The following SLC20A2 variants were observed in gnomAD, a reference collection of about 807,000 sequenced individuals.
SLC20A2 encodes the protein sodium-dependent phosphate transporter 2.
A neutral mutation model predicts 61.0 loss-of-function variants in SLC20A2; 30 were observed. The ratio of observed to expected loss-of-function variants is 0.49; its 90% CI spans 0.37 to 0.67. The LOEUF (loss-of-function observed/expected upper bound fraction) is 0.67. Among genes scored for constraint, SLC20A2 ranks in the 30% least tolerant of loss-of-function variants. SLC20A2 has a pLI of 0.00. For missense variants in SLC20A2, 626 were observed against 866.4 expected (o/e 0.72, Z 3.48); for synonymous variants, 351 against 353.3 (o/e 0.99, Z 0.07).
At chr8:42,530,030 A>G (rs1397056027) in intron 1 of SLC20A2, among the ~76,000 whole-genome samples, 2 of 152,186 alleles carry the variant, frequency 1.3e-5, no homozygotes, top group African/African-American at 2.4e-5. Flanking sequence ...TACAATCCTC[A>G]TAACGCACAA....
chr8:42,425,656 A>G (rs983034331), intron 10 of SLC20A2, among the ~76,000 whole-genome samples: 24 of 152,164 alleles, frequency 1.6e-4, no homozygotes, highest in African/African-American at 5.8e-4. Context: ...TGTCTTGTCA[A>G]TTTTATAGAT....
Position 42,472,435 on chromosome 8 carries a change from T to A in SLC20A2, c.-45A>T. 6.4e-7 allele frequency: 1 copy of A among 1,568,422 alleles called. No homozygotes were observed. The highest frequency in any genetic ancestry group is 8.7e-7 in the Non-Finnish European group (1 of 1,149,074). On this transcript the variant is annotated 5_prime_UTR_variant, in exon 2 of 11. Transcript: ENST00000520262. This position sits in a 1 kb window ranked among gnomAD's most constrained non-coding sequence, Gnocchi z 4.1. ...GTACTTTTCTTTTGCAGGAATATTTTAAATAAACAAAGCTTGAGGTTATAA... is the reference window on the plus strand; with the variant it reads ...GTACTTTTCTTTTGCAGGAATATTTAAAATAAACAAAGCTTGAGGTTATAA...
At chr8:42,512,300 A>T (rs1307857252) in intron 1 of SLC20A2, among the ~76,000 whole-genome samples, 1 of 151,762 alleles carries the variant, frequency 6.6e-6, no homozygotes, top group African/African-American at 2.4e-5. Context: ...CATAAAGAAC[A>T]GCTCTGGATA....
At chr8:42,421,801 G>A (rs1012417381) in intron 10 of SLC20A2, among the ~76,000 whole-genome samples, 25 of 151,350 alleles carry the variant, frequency 1.7e-4, no homozygotes, top group African/African-American at 4.6e-4. Flanking sequence ...GTGAAACTCC[G>A]TCTCAAAAAA....
At chr8:42,514,493 C>T (rs1811207505) in intron 1 of SLC20A2, among the ~76,000 whole-genome samples, 1 of 152,202 alleles carries the variant, frequency 6.6e-6, no homozygotes, top group Non-Finnish European at 1.5e-5. Flanking sequence ...CGCGGTGGCT[C>T]ATGCCTGTAA....
At chr8:42,536,042 C>A (rs1812674474) in intron 1 of SLC20A2, among the ~76,000 whole-genome samples, 1 of 152,158 alleles carries the variant, frequency 6.6e-6, no homozygotes, top group Admixed American at 6.6e-5. Context: ...GTTTCCCATT[C>A]AGGGAAGAGT....
intron 1 of SLC20A2, among the ~76,000 whole-genome samples, chr8:42,532,128 GTC>G (rs1812373549): frequency 3.3e-5 from 5 of 152,040 alleles, no homozygotes; most frequent in Admixed American, 2.6e-4. Context: ...TGCCTGGCCA[GTC>G]TCTGTCTGCT....
At position 42,437,178 on chromosome 8, in the gene SLC20A2, A is replaced by T; in HGVS notation, c.1334T>A (p.Ile445Asn). ...CTCCACGCCGCCCTCCTCCGCCTCGATCTCCGCCTCTGCCACCGCGTTACA... is the reference window on the plus strand; with the variant it reads ...CTCCACGCCGCCCTCCTCCGCCTCGTTCTCCGCCTCTGCCACCGCGTTACA... ...SYCNAVAEAE[I>N]EAEEGGVEMK... Residue 445 changes from isoleucine (I) to asparagine (N), a missense_variant, in exon 8 of 11, where the codon ATC becomes AAC. By Grantham distance (149) the Ile-to-Asn change is moderately radical (BLOSUM62 -3). Transcript: ENST00000520262. This position sits in a 1 kb window ranked among gnomAD's most constrained non-coding sequence, Gnocchi z 6.4. 3 of 1,613,470 alleles carry T rather than the reference A, an allele frequency of 1.9e-6. No homozygotes were observed. The highest frequency in any genetic ancestry group is 2.5e-6 in the Non-Finnish European group (3 of 1,179,980).
At chr8:42,425,722 C>T (rs1160013695) in intron 10 of SLC20A2, among the ~76,000 whole-genome samples, 1 of 152,136 alleles carries the variant, frequency 6.6e-6, no homozygotes, top group East Asian at 1.9e-4. Context: ...AAGAAGCTAT[C>T]CTAATACTAC....
At chr8:42,487,894 C>T (rs944386381) in intron 1 of SLC20A2, among the ~76,000 whole-genome samples, 1 of 152,192 alleles carries the variant, frequency 6.6e-6, no homozygotes, top group East Asian at 1.9e-4. Flanking sequence ...TAGACAATAA[C>T]TTGCCATTCT....
At chr8:42,526,913 G>A (rs971979189) in intron 1 of SLC20A2, among the ~76,000 whole-genome samples, 6 of 151,870 alleles carry the variant, frequency 4.0e-5, no homozygotes, top group Non-Finnish European at 8.8e-5. Context: ...AGAACTGCCT[G>A]AGCAACATAG....
intron 1 of SLC20A2, among the ~76,000 whole-genome samples, chr8:42,488,935 G>GTTTTTTTTTTTTTTTTTT (rs34643152): frequency 1.2e-5 from 1 of 83,524 alleles, no homozygotes; most frequent in African/African-American, 4.7e-5. Context: ...TAGGAGTTTT[G>GTTTTTTTTTTTTTTTTTT]TTTTTTTTTT....
intron 1 of SLC20A2, among the ~76,000 whole-genome samples, chr8:42,539,149 C>T (rs1018013305): frequency 1.3e-5 from 2 of 152,206 alleles, no homozygotes; most frequent in African/African-American, 4.8e-5. Context: ...CTTGTAAATA[C>T]TGACTAGCAA....
intron 1 of SLC20A2, among the ~76,000 whole-genome samples, chr8:42,485,557 G>A (rs1231784706): frequency 6.8e-6 from 1 of 147,246 alleles, no homozygotes; most frequent in African/African-American, 2.5e-5. Flanking sequence ...CAGGAGAATC[G>A]CTTGAACCCA....
intron 1 of SLC20A2, among the ~76,000 whole-genome samples, chr8:42,514,735 G>A (rs1811226277): frequency 1.3e-5 from 2 of 150,644 alleles, no homozygotes; most frequent in Non-Finnish European, 2.9e-5. Context: ...TCCAGCCTGG[G>A]CAATGGAGTA....
At chr8:42,488,976 G>T (rs140276716) in intron 1 of SLC20A2, among the ~76,000 whole-genome samples, 8 of 106,548 alleles carry the variant, frequency 7.5e-5, no homozygotes, top group African/African-American at 2.9e-4. Flanking sequence ...GTCTTGCTCT[G>T]TCTCCCAGGC....
At chr8:42,540,364 A>AT (rs1005540747) in intron 1 of SLC20A2, among the ~76,000 whole-genome samples, 1 of 152,154 alleles carries the variant, frequency 6.6e-6, no homozygotes, top group Non-Finnish European at 1.5e-5. Flanking sequence ...ACGTATTCAA[A>AT]TTTTTTTAGA....
At position 42,428,857 on chromosome 8, in the gene SLC20A2, T is replaced by A. The variant is rs1803627707; in HGVS notation, c.1710-15A>T. 1 of 1,571,176 alleles carries A rather than the reference T, an allele frequency of 6.4e-7. No homozygotes were observed. The highest frequency in any genetic ancestry group is 8.6e-7 in the Non-Finnish European group (1 of 1,159,312). ...TCGTGAAGCCGCTGTGGGGGGAGCA[T>A]GAGACACGTCACAGGTGCCCTCTGT... On this transcript the variant is annotated splice_polypyrimidine_tract_variant and intron_variant, in intron 9 of 10. Transcript: ENST00000520262.
At chr8:42,526,177 T>G (rs890165513) in intron 1 of SLC20A2, among the ~76,000 whole-genome samples, 1 of 151,726 alleles carries the variant, frequency 6.6e-6, no homozygotes, top group Non-Finnish European at 1.5e-5. Flanking sequence ...CACTGATGAG[T>G]CATGTTGACT....
Sources: gnomAD v4.1 joint callset for allele counts (sites outside exome capture counted in the v4.1 genomes callset) on GRCh38, gnomAD v4.1.1 for gene constraint, Gnocchi (gnomAD v3.1) non-coding constraint, MANE v1.5 for transcripts, NCBI Gene and HGNC (gene_info 2026-07-23, HGNC 2026-07-21) for gene names.